Variants in BCHE observed in about 807,000 individuals in gnomAD.
BCHE encodes the protein butyrylcholinesterase, also known as cholinesterase.
BCHE carries 48 observed loss-of-function variants against 51.3 expected under a neutral mutation model. The observed-to-expected ratio is 0.94, with a 90% CI of 0.74 to 1.19. BCHE has a LOEUF of 1.19. Among genes scored for constraint, BCHE ranks in the 50% most tolerant of loss-of-function variants. The pLI, the probability that BCHE is intolerant of heterozygous loss-of-function variation, is 0.00. For synonymous variants in BCHE, 251 were observed against 238.0 expected (o/e 1.05, Z -0.50); for missense variants, 847 against 708.2 (o/e 1.20, Z -2.23).
chr3:165,780,105 T>C (rs1262659119), intron 3 of BCHE, among the ~76,000 whole-genome samples: 1 of 151,936 alleles, frequency 6.6e-6, no homozygotes, highest in African/African-American at 2.4e-5. Flanking sequence ...AGAAATAACA[T>C]CATACATCGA....
chr3:165,774,489 C>T (rs1008969295), intron 3 of BCHE, among the ~76,000 whole-genome samples: 2 of 151,850 alleles, frequency 1.3e-5, no homozygotes, highest in Non-Finnish European at 1.5e-5. Flanking sequence ...GCGTGCACCA[C>T]CATGTTTGGC....
At position 165,829,996 on chromosome 3, in the gene BCHE, C is replaced by A. The variant is rs771017682; in HGVS notation, c.1038G>T (p.Leu346Phe). The change falls in exon 2 of 4, where the codon TTG becomes TTT. Residue 346 changes from leucine (L) to phenylalanine (F), a missense_variant. Transcript: ENST00000264381. ...TCCCTTCATCTTTATTAACACCCACCAAAATCTGGGTTTTTTTAAATTGTC... is the reference window on the plus strand; with the variant it reads ...TCCCTTCATCTTTATTAACACCCACAAAAATCTGGGTTTTTTTAAATTGTC... ...ELGQFKKTQILVGVNKDEGTA... is the reference protein window; with the variant it reads ...ELGQFKKTQIFVGVNKDEGTA... 6 of 1,613,594 alleles carry A rather than the reference C, an allele frequency of 3.7e-6. No homozygotes were observed. Among genetic ancestry groups the A allele is most frequent in the Admixed American group, 1.7e-5 (1 of 59,866 alleles).
At chr3:165,777,699 C>A in intron 3 of BCHE, 1 of 433,280 alleles carries the variant, frequency 2.3e-6, no homozygotes. Context: ...TGAGTCTGAA[C>A]TGCACAAGTC....
intron 3 of BCHE, among the ~76,000 whole-genome samples, chr3:165,777,263 T>C (rs149501172): frequency 1.7e-3 from 264 of 152,088 alleles, no homozygotes; most frequent in African/African-American, 6.2e-3. Context: ...CTTATTCATA[T>C]AACTATGTAG....
rs139408950 is a variant in BCHE at position 165,816,561 on chromosome 3, T to A, written c.1517+12956A>T. 1.5e-3 allele frequency among the ~76,000 whole-genome samples: 227 copies of A among 152,112 alleles called. 8 individuals are homozygous for A. The East Asian group carries it at 0.04, about 27-fold the overall frequency. ...ATTCTCTTTTGCATCTCTATTAAGGTTTTAGTTCCCACCATCCCATCAAAA... is the reference window on the plus strand; with the variant it reads ...ATTCTCTTTTGCATCTCTATTAAGGATTTAGTTCCCACCATCCCATCAAAA... On this transcript the variant is annotated intron_variant, in intron 2 of 3. Transcript: ENST00000264381.
intron 2 of BCHE, among the ~76,000 whole-genome samples, chr3:165,827,658 C>CA (rs1476233733): frequency 6.6e-6 from 1 of 151,900 alleles, no homozygotes. Context: ...TTTCAAAAAT[C>CA]ATCCTTAAAT....
At chr3:165,790,322 C>T (rs969976833) in intron 2 of BCHE, among the ~76,000 whole-genome samples, 1 of 152,136 alleles carries the variant, frequency 6.6e-6, no homozygotes, top group Non-Finnish European at 1.5e-5. Flanking sequence ...ATTGGCAATA[C>T]TCCATAAGTA....
At chr3:165,774,209 T>A (rs1391474874) in intron 3 of BCHE, among the ~76,000 whole-genome samples, 3 of 152,202 alleles carry the variant, frequency 2.0e-5, no homozygotes, top group Non-Finnish European at 4.4e-5. Flanking sequence ...TCGTGGTTGG[T>A]TAAATCCATG....
rs1228975490 is a variant in BCHE at position 165,815,532 on chromosome 3, G to GGAGCTAGCAAATGTTAGCAA, written c.1517+13965_1517+13984dup. 2.6e-5 allele frequency among the ~76,000 whole-genome samples: 4 copies of GGAGCTAGCAAATGTTAGCAA among 152,068 alleles called. No individual in the cohort carries two copies. In the East Asian group the frequency reaches 7.7e-4, roughly 29 times the overall value. ...ACCATGAAAGTGAAGTCCTGAGCAG[G>GGAGCTAGCAAATGTTAGCAA]GAGCTAGCAAATGTTAGCAATAGCT... is the stretch of plus-strand genomic sequence containing the variant. On this transcript the variant is annotated intron_variant, in intron 2 of 3. Transcript: ENST00000264381.
At chr3:165,813,323 A>G (rs556648507) in intron 2 of BCHE, among the ~76,000 whole-genome samples, 2 of 151,732 alleles carry the variant, frequency 1.3e-5, no homozygotes, top group East Asian at 1.9e-4. Context: ...ATAATCATAT[A>G]TTTTATACTC....
Position 165,807,546 on chromosome 3 carries a change from A to T in BCHE, c.1518-21235T>A, listed in dbSNP as rs543376608. On this transcript the variant is annotated intron_variant, in intron 2 of 3. Coordinates refer to ENST00000264381, the MANE Select transcript of BCHE (RefSeq NM_000055.4). ...TATTTATTTATTTATTTATTTATTT[A>T]TTTTTATTTATTTATTTATTTTTCA... Among the ~76,000 whole-genome samples the T allele has an allele frequency of 6.6e-3, 986 of 150,466 alleles. 6 individuals carry two copies. Among genetic ancestry groups the T allele is most frequent in the African/African-American group, 0.022 (889 of 40,940 alleles).
chr3:165,778,780 A>G (rs1313439866), intron 3 of BCHE: 5 of 403,428 alleles, frequency 1.2e-5, no homozygotes, highest in African/African-American at 1.0e-4. Context: ...AGACTTTTTA[A>G]AAGATAAATT....
chr3:165,790,301 G>A (rs1713118470), intron 2 of BCHE, among the ~76,000 whole-genome samples: 1 of 152,072 alleles, frequency 6.6e-6, no homozygotes, highest in South Asian at 2.1e-4. Flanking sequence ...AGATACAGGT[G>A]AGCTTCTTAG....
chr3:165,801,504 AAT>A (rs1713644098), intron 2 of BCHE, among the ~76,000 whole-genome samples: 2 of 152,240 alleles, frequency 1.3e-5, no homozygotes, highest in South Asian at 4.1e-4. Context: ...ATTTTATATA[AAT>A]ACATCATTAT....
At chr3:165,804,728 A>G (rs903011563) in intron 2 of BCHE, among the ~76,000 whole-genome samples, 3 of 152,238 alleles carry the variant, frequency 2.0e-5, no homozygotes, top group South Asian at 2.1e-4. Context: ...AATATCCTTT[A>G]GAAGTGTTGA....
chr3:165,813,949 G>A (rs1056419696), intron 2 of BCHE, among the ~76,000 whole-genome samples: 27 of 151,814 alleles, frequency 1.8e-4, no homozygotes, highest in Admixed American at 1.3e-3. Flanking sequence ...AATATCTGAC[G>A]CCAAAGTTGA....
intron 1 of BCHE, among the ~76,000 whole-genome samples, chr3:165,833,567 G>A (rs533973036): frequency 2.0e-5 from 3 of 152,210 alleles, no homozygotes; most frequent in Non-Finnish European, 2.9e-5. Flanking sequence ...GCATCATTAT[G>A]TATTGTATGA....
intron 2 of BCHE, among the ~76,000 whole-genome samples, chr3:165,815,420 A>G (rs1490717571): frequency 6.6e-6 from 1 of 152,054 alleles, no homozygotes; most frequent in African/African-American, 2.4e-5. Context: ...ATAGCTGTGG[A>G]ATTTTGAGTA....
At position 165,830,171 on chromosome 3, in the gene BCHE, A is replaced by G. The variant is rs752365776; in HGVS notation, c.863T>C (p.Ile288Thr). ...TGCSRENETE[I>T]IKCLRNKDPQ... The stretch of plus-strand genomic sequence containing the variant: ...ATCTTTATTTCTAAGACACTTGATT[A>G]TTTCAGTCTCATTCTCTCTAGAGCA... The change falls in exon 2 of 4, where the codon ATA (isoleucine) becomes ACA (threonine). Residue 288 changes from isoleucine to threonine, a missense_variant. Coordinates refer to ENST00000264381, the MANE Select transcript of BCHE (RefSeq NM_000055.4). The G allele has an allele frequency of 4.3e-6, 7 of 1,613,954 alleles. No homozygotes were observed. In the South Asian group the frequency reaches 7.7e-5, roughly 18 times the overall value.
Sources: gnomAD v4.1 joint callset for allele counts (sites outside exome capture counted in the v4.1 genomes callset) on GRCh38, gnomAD v4.1.1 for gene constraint, MANE v1.5 for transcripts, NCBI Gene and HGNC (gene_info 2026-07-23, HGNC 2026-07-21) for gene names.